The following FCER1A variants were observed in gnomAD, a reference collection of about 807,000 sequenced individuals.
FCER1A encodes the protein Fc epsilon receptor Ia, also known as high affinity immunoglobulin epsilon receptor subunit alpha.
FCER1A carries 24 observed loss-of-function variants against 23.6 expected under a neutral mutation model. The ratio of observed to expected loss-of-function variants is 1.02; its 90% confidence interval spans 0.74 to 1.43. FCER1A has a LOEUF of 1.43. FCER1A is among the 40% of genes most tolerant of loss of function. The probability of loss-of-function intolerance (pLI) is 0.00; values close to 1 mark genes in which losing one functional copy is unlikely to be tolerated. For missense variants in FCER1A, 318 were observed against 294.5 expected (o/e 1.08, Z -0.58); for synonymous variants, 121 against 108.8 (o/e 1.11, Z -0.70).
At chr1:159,302,751 TAA>T in intron 1 of FCER1A, 101 bp from the exon 2 acceptor site, 1 of 1,088,228 alleles carries the variant, frequency 9.2e-7, no homozygotes. Flanking sequence ...GGTTGGTCCT[TAA>T]AATTCCATGG....
At chr1:159,296,241 G>A (rs1652290184) in intron 1 of FCER1A, among the ~76,000 whole-genome samples, 1 of 152,032 alleles carries the variant, frequency 6.6e-6, no homozygotes, top group African/African-American at 2.4e-5. Flanking sequence ...AACTGTTTAA[G>A]TTTCAGGGCC....
At chr1:159,304,407 C>T (rs559719834) in intron 3 of FCER1A, among the ~76,000 whole-genome samples, 42 of 152,066 alleles carry the variant, frequency 2.8e-4, no homozygotes, top group African/African-American at 6.7e-4. Flanking sequence ...CGAGACCATC[C>T]GGCTAACATG....
At chr1:159,293,666 A>G (rs1331955559) in intron 1 of FCER1A, among the ~76,000 whole-genome samples, 1 of 150,708 alleles carries the variant, frequency 6.6e-6, no homozygotes, top group Non-Finnish European at 1.5e-5. Flanking sequence ...TTCTTGTGAT[A>G]GTTTACTGAG....
intron 1 of FCER1A, among the ~76,000 whole-genome samples, chr1:159,290,338 C>G (rs1270832048): frequency 1.3e-5 from 2 of 152,118 alleles, no homozygotes; most frequent in African/African-American, 4.8e-5. Context: ...CTAACTCTAG[C>G]ACCCTCTCTC....
chr1:159,286,203 T>C (rs1652011567), upstream of FCER1A, among the ~76,000 whole-genome samples: 1 of 151,594 alleles, frequency 6.6e-6, no homozygotes. Context: ...AATAAATAAA[T>C]AAATAAATAA....
upstream of FCER1A, among the ~76,000 whole-genome samples, chr1:159,299,390 C>G (rs1652372739): frequency 6.6e-6 from 1 of 152,196 alleles, no homozygotes; most frequent in African/African-American, 2.4e-5. Flanking sequence ...TAGGCTGAGC[C>G]TTGATCCTCC....
upstream of FCER1A, among the ~76,000 whole-genome samples, chr1:159,287,713 T>C (rs1652053461): frequency 6.7e-6 from 1 of 148,200 alleles, no homozygotes; most frequent in African/African-American, 2.4e-5. Flanking sequence ...TATATAAATA[T>C]ATAATGTATT....
At chr1:159,300,384 A>C (rs1652400497), upstream of FCER1A, among the ~76,000 whole-genome samples, 1 of 152,114 alleles carries the variant, frequency 6.6e-6, no homozygotes, top group Non-Finnish European at 1.5e-5. Context: ...TCCCCTGGCA[A>C]AGTCTCAACA....
chr1:159,296,308 T>G (rs1285206993), intron 1 of FCER1A, among the ~76,000 whole-genome samples: 1 of 152,170 alleles, frequency 6.6e-6, no homozygotes, highest in African/African-American at 2.4e-5. Context: ...ATCAGTAAAA[T>G]TCCCAGTTTT....
At chr1:159,298,350 G>A (rs56366265), upstream of FCER1A, among the ~76,000 whole-genome samples, 21,064 of 152,172 alleles carry the variant, frequency 0.14, 1,854 homozygotes, top group Non-Finnish European at 0.19. Flanking sequence ...TTTGGGTCAT[G>A]GAGGCAGATC....
chr1:159,295,357 T>C (rs1459000413), intron 1 of FCER1A, among the ~76,000 whole-genome samples: 3 of 152,160 alleles, frequency 2.0e-5, no homozygotes, highest in Non-Finnish European at 2.9e-5. Context: ...GATGCAGTTG[T>C]AAATTGCAAA....
chr1:159,295,046 A>C lies in FCER1A; in HGVS notation c.-60+5293A>C, dbSNP rs183850975. ...AAATTGGCATCATGAGATTATTGAAATATATGGTTGATTAGTATAAATTCA... is the reference window on the plus strand; with the variant it reads ...AAATTGGCATCATGAGATTATTGAACTATATGGTTGATTAGTATAAATTCA... On this transcript the variant is annotated intron_variant, in intron 1 of 5. Coordinates refer to the FCER1A transcript ENST00000368115. Among the ~76,000 whole-genome samples the C allele has an allele frequency of 2.3e-3, 355 of 152,304 alleles. 4 individuals carry two copies. Among genetic ancestry groups the C allele is most frequent in the Admixed American group, 5.9e-3 (90 of 15,280 alleles).
At chr1:159,299,660 C>A (rs527896013), upstream of FCER1A, among the ~76,000 whole-genome samples, 1 of 152,146 alleles carries the variant, frequency 6.6e-6, no homozygotes, top group Non-Finnish European at 1.5e-5. Context: ...AATTTAGACA[C>A]GCCCTATTGA....
chr1:159,292,059 T>A (rs1652166008), intron 1 of FCER1A, among the ~76,000 whole-genome samples: 1 of 152,158 alleles, frequency 6.6e-6, no homozygotes, highest in South Asian at 2.1e-4. Context: ...GGTCTTCTGA[T>A]ACTCATCTTC....
chr1:159,294,124 T>C (rs1269585687), intron 1 of FCER1A, among the ~76,000 whole-genome samples: 3 of 152,206 alleles, frequency 2.0e-5, no homozygotes, highest in Admixed American at 2.0e-4. Flanking sequence ...GTTGGTAGGA[T>C]GGTAAACTAG....
At chr1:159,299,661 G>A (rs540682596), upstream of FCER1A, among the ~76,000 whole-genome samples, 1 of 152,082 alleles carries the variant, frequency 6.6e-6, no homozygotes, top group African/African-American at 2.4e-5. Context: ...ATTTAGACAC[G>A]CCCTATTGAT....
upstream of FCER1A, among the ~76,000 whole-genome samples, chr1:159,299,000 G>A (rs1244901416): frequency 1.3e-5 from 2 of 152,192 alleles, no homozygotes; most frequent in African/African-American, 4.8e-5. Context: ...CTGGTCATGA[G>A]CATGTGCTCT....
intron 1 of FCER1A, among the ~76,000 whole-genome samples, chr1:159,293,922 A>G (rs1652228172): frequency 2.6e-5 from 4 of 151,912 alleles, no homozygotes; most frequent in Admixed American, 2.6e-4. Flanking sequence ...ATGAACAGAC[A>G]CTTCTCAAAA....
At chr1:159,297,507 C>T (rs1234865907), upstream of FCER1A, among the ~76,000 whole-genome samples, 1 of 152,130 alleles carries the variant, frequency 6.6e-6, no homozygotes, top group Non-Finnish European at 1.5e-5. Context: ...AACCACCTCA[C>T]CACATTAACT....
Sources: gnomAD v4.1 joint callset for allele counts (sites outside exome capture counted in the v4.1 genomes callset) on GRCh38, gnomAD v4.1.1 for gene constraint, MANE v1.5 for transcripts, NCBI Gene and HGNC (gene_info 2026-07-23, HGNC 2026-07-21) for gene names.